The following PIK3C2G variants were observed in gnomAD, a reference collection of about 807,000 sequenced individuals.
The protein encoded by PIK3C2G is phosphatidylinositol-4-phosphate 3-kinase catalytic subunit type 2 gamma.
Under a neutral mutation model 181.1 loss-of-function variants are expected in PIK3C2G, and 168 were observed. That is an observed-to-expected ratio of 0.93 (90% CI 0.82 to 1.05). PIK3C2G has a LOEUF of 1.05. Among genes scored for constraint, PIK3C2G ranks in the 50% least tolerant of loss-of-function variants. The probability of loss-of-function intolerance (pLI) is 0.00; values close to 1 mark genes in which losing one functional copy is unlikely to be tolerated. For missense variants in PIK3C2G, 1,869 were observed against 1,732.8 expected (o/e 1.08, Z -1.40); for synonymous variants, 573 against 592.2 (o/e 0.97, Z 0.47).
intron 5 of PIK3C2G, among the ~76,000 whole-genome samples, chr12:18,307,200 A>G (rs2137348327): frequency 1.2e-5 from 1 of 83,692 alleles, no homozygotes; most frequent in East Asian, 5.6e-4. Context: ...CTATTTAGGA[A>G]TAGGAAATAA....
chr12:18,242,973 C>T (rs901134671), upstream of PIK3C2G, among the ~76,000 whole-genome samples: 2 of 152,076 alleles, frequency 1.3e-5, no homozygotes, highest in African/African-American at 2.4e-5. Context: ...TCATTAAACA[C>T]GAAACGAGCC....
At chr12:18,508,882 G>GGTCATA (rs891396679) in intron 24 of PIK3C2G, among the ~76,000 whole-genome samples, 1 of 151,878 alleles carries the variant, frequency 6.6e-6, no homozygotes. Flanking sequence ...AATAACCCTA[G>GGTCATA]GTCATAGTCT....
At chr12:18,698,129 CT>C in the PIK3C2G span, among the ~76,000 whole-genome samples, 2 of 151,920 alleles carry the variant, frequency 1.3e-5, no homozygotes, top group Non-Finnish European at 2.9e-5. Context: ...GTCATTCAAA[CT>C]CTCTTAACCA....
intron 29 of PIK3C2G, among the ~76,000 whole-genome samples, chr12:18,573,936 T>C (rs1592619952): frequency 6.6e-6 from 1 of 152,172 alleles, no homozygotes; most frequent in African/African-American, 2.4e-5. Flanking sequence ...TGAAGGGAAA[T>C]GCTAAACCCT....
At chr12:18,643,470 C>A (rs1016906373) in intron 32 of PIK3C2G, among the ~76,000 whole-genome samples, 4 of 151,924 alleles carry the variant, frequency 2.6e-5, no homozygotes, top group African/African-American at 9.7e-5. Context: ...GGTTTCTAAT[C>A]ATATAAACAA....
At chr12:18,326,297 G>T (rs1951343971) in intron 8 of PIK3C2G, among the ~76,000 whole-genome samples, 1 of 152,150 alleles carries the variant, frequency 6.6e-6, no homozygotes, top group South Asian at 2.1e-4. Flanking sequence ...TCCAGGGAAG[G>T]TTTAGCCTTC....
intron 24 of PIK3C2G, among the ~76,000 whole-genome samples, chr12:18,507,048 G>A (rs892350768): frequency 7.5e-6 from 1 of 133,718 alleles, no homozygotes; most frequent in African/African-American, 2.8e-5. Context: ...TTTTTTTTTT[G>A]AGATGGAGTC....
intron 5 of PIK3C2G, among the ~76,000 whole-genome samples, chr12:18,305,888 A>G (rs1950400023): frequency 6.6e-6 from 1 of 151,654 alleles, no homozygotes; most frequent in Non-Finnish European, 1.5e-5. Context: ...GGCTCAGTAT[A>G]TATTTTTTGT....
At chr12:18,693,938 G>C in the PIK3C2G span, 4 of 1,522,798 alleles carry the variant, frequency 2.6e-6, no homozygotes, top group Non-Finnish European at 3.6e-6. Flanking sequence ...CATGGCTAAA[G>C]ATGACCTCTC....
chr12:18,250,176 A>G (rs12832101), intron 1 of PIK3C2G, among the ~76,000 whole-genome samples: 66,739 of 151,806 alleles, frequency 0.44, 15,106 homozygotes, highest in East Asian at 0.75. Flanking sequence ...TATGGTGAAA[A>G]TAGATTTATA....
chr12:18,278,963 T>A (rs535885460), intron 1 of PIK3C2G, among the ~76,000 whole-genome samples: 1 of 152,180 alleles, frequency 6.6e-6, no homozygotes, highest in South Asian at 2.1e-4. Context: ...CTCATGATAA[T>A]GAAATTTTTT....
chr12:18,440,654 G>A (rs1431637392), intron 18 of PIK3C2G, among the ~76,000 whole-genome samples: 2 of 152,060 alleles, frequency 1.3e-5, no homozygotes, highest in Non-Finnish European at 2.9e-5. Flanking sequence ...ACAACAATGG[G>A]GCTAAGGTGG....
intron 30 of PIK3C2G, among the ~76,000 whole-genome samples, chr12:18,605,848 G>A (rs1353443295): frequency 6.6e-6 from 1 of 152,024 alleles, no homozygotes; most frequent in Non-Finnish European, 1.5e-5. Context: ...TATAAACCAG[G>A]CGCTTATAAA....
intron 1 of PIK3C2G, among the ~76,000 whole-genome samples, chr12:18,268,519 A>G (rs10841004): frequency 9.0e-4 from 136 of 151,880 alleles, no homozygotes; most frequent in African/African-American, 3.2e-3. Flanking sequence ...AAGTTTTCTG[A>G]ATTTTTCTAC....
At chr12:18,652,286 A>T (rs1224066029), downstream of PIK3C2G, among the ~76,000 whole-genome samples, 1 of 152,150 alleles carries the variant, frequency 6.6e-6, no homozygotes, top group Non-Finnish European at 1.5e-5. Context: ...TGATATACTT[A>T]TGAAAGGGAG....
chr12:18,430,362 G>C (rs1360300032), intron 18 of PIK3C2G, among the ~76,000 whole-genome samples: 1 of 152,006 alleles, frequency 6.6e-6, no homozygotes, highest in Non-Finnish European at 1.5e-5. Context: ...CCTTTTATAA[G>C]GTGTCACTTA....
At chr12:18,724,464 C>G in the PIK3C2G span, among the ~76,000 whole-genome samples, 3 of 151,856 alleles carry the variant, frequency 2.0e-5, no homozygotes, top group African/African-American at 7.3e-5. Context: ...TTAAAAAATG[C>G]TTTTTTATAA....
Position 18,562,855 on chromosome 12 carries a change from G to C in PIK3C2G, c.3743G>C (p.Arg1248Thr), listed in dbSNP as rs1441051410. The C allele has an allele frequency of 1.9e-6, 3 of 1,605,438 alleles. No individual in the cohort carries two copies. Among genetic ancestry groups the C allele is most frequent in the Admixed American group, 1.7e-5 (1 of 58,916 alleles). Residue 1248 changes from arginine (R) to threonine (T), a missense_variant, in exon 27 of 33, where the codon AGA (arginine) becomes ACA (threonine). Arg to Thr is a moderately conservative substitution (Grantham distance 71). Transcript: ENST00000538779. ...CLLSTTRSIE[R>T]ATILGFSKKS... ...CTGAGTACAACTAGGTCGATTGAAA[G>C]AGCAACAATTTTAGGGTTCAGCAAG... is the stretch of plus-strand genomic sequence containing the variant.
At chr12:18,382,312 GA>G (rs573103035) in intron 14 of PIK3C2G, among the ~76,000 whole-genome samples, 4 of 151,834 alleles carry the variant, frequency 2.6e-5, no homozygotes, top group Admixed American at 6.6e-5. Context: ...CTGAGTAGTA[GA>G]AAAAAAACTG....
Sources: allele counts gnomAD v4.1 joint callset (sites outside exome capture counted in the v4.1 genomes callset), GRCh38; gene constraint gnomAD v4.1.1; transcripts MANE v1.5; gene names NCBI Gene and HGNC (gene_info 2026-07-23, HGNC 2026-07-21).